The following QSER1 variants were observed in gnomAD, a reference collection of about 807,000 sequenced individuals.
QSER1 encodes the protein glutamine and serine rich 1.
A neutral mutation model predicts 158.5 loss-of-function variants in QSER1; 49 were observed. The observed-to-expected ratio is 0.31, with a 90% CI of 0.25 to 0.39. QSER1 has a LOEUF of 0.39. QSER1 is among the 10% of genes least tolerant of loss of function. The probability of loss-of-function intolerance (pLI) is 1.00; values close to 1 mark genes in which losing one functional copy is unlikely to be tolerated. For missense variants in QSER1, 1,754 were observed against 2,010.3 expected, an observed-to-expected ratio of 0.87 and a Z score of 2.44; for synonymous variants, 650 against 715.5, an observed-to-expected ratio of 0.91 and a Z score of 1.46.
rs1852994932 is a variant in QSER1 at position 32,977,299 on chromosome 11, TTA to T, written c.*829_*830del. On this transcript the variant is annotated 3_prime_UTR_variant, in exon 13 of 13. Coordinates refer to ENST00000650167, the MANE Select transcript of QSER1 (RefSeq NM_001076786.3). ...TTTTGTTATTTTCAGTAAATCTTAG[TTA>T]TATGTTGAATTTCTAATGTGAATTC... is the stretch of plus-strand genomic sequence containing the variant. 6.6e-6 allele frequency: 1 copy of T among 152,642 alleles called. No homozygotes were observed. The highest frequency in any genetic ancestry group is 2.1e-4 in the South Asian group (1 of 4,838). 9.5% of individuals were successfully genotyped at this position (152,642 alleles called of 1,614,324 possible).
At chr11:32,947,236 G>A (rs1278342318) in intron 4 of QSER1, among the ~76,000 whole-genome samples, 2 of 152,258 alleles carry the variant, frequency 1.3e-5, no homozygotes, top group Admixed American at 6.5e-5. Flanking sequence ...GTTCCTATTC[G>A]GCCATCTTGG....
At chr11:32,921,102 C>G (rs550445395) in intron 1 of QSER1, among the ~76,000 whole-genome samples, 1 of 152,220 alleles carries the variant, frequency 6.6e-6, no homozygotes, top group South Asian at 2.1e-4. Flanking sequence ...ACCCAAATGT[C>G]CATCAGCTGA....
intron 1 of QSER1, among the ~76,000 whole-genome samples, chr11:32,903,784 G>A (rs989162268): frequency 6.6e-5 from 10 of 152,132 alleles, no homozygotes; most frequent in East Asian, 3.9e-4. Context: ...GCTAATTTTT[G>A]TATTTTTAGT....
At chr11:32,926,581 CAT>C (rs1851974861) in intron 1 of QSER1, 1 of 152,078 alleles carries the variant, frequency 6.6e-6, no homozygotes, top group Admixed American at 6.6e-5. Flanking sequence ...AAAATAAAAA[CAT>C]AACCTTTCCT....
At chr11:32,899,334 G>A (rs1851596772) in intron 1 of QSER1, among the ~76,000 whole-genome samples, 1 of 152,096 alleles carries the variant, frequency 6.6e-6, no homozygotes, top group African/African-American at 2.4e-5. Flanking sequence ...CCTGTAGTTG[G>A]GACCAAGATG....
At chr11:32,940,109 C>T (rs1852208443) in intron 4 of QSER1, among the ~76,000 whole-genome samples, 1 of 152,130 alleles carries the variant, frequency 6.6e-6, no homozygotes, top group Non-Finnish European at 1.5e-5. Context: ...GTTCCTTTTG[C>T]CAACAAGACA....
chr11:32,902,725 G>T (rs1435292993), intron 1 of QSER1, among the ~76,000 whole-genome samples: 1 of 152,210 alleles, frequency 6.6e-6, no homozygotes, highest in Non-Finnish European at 1.5e-5. Flanking sequence ...GCTGAGAACT[G>T]AGCCTTTGCC....
intron 8 of QSER1, among the ~76,000 whole-genome samples, chr11:32,958,879 C>CT (rs1167527801): frequency 6.6e-6 from 1 of 152,062 alleles, no homozygotes; most frequent in Admixed American, 6.5e-5. Context: ...TCTTAGTTTT[C>CT]TTGTTTTATA....
chr11:32,928,689 T>G (rs1292240249), intron 3 of QSER1, among the ~76,000 whole-genome samples: 2 of 152,164 alleles, frequency 1.3e-5, no homozygotes, highest in African/African-American at 2.4e-5. Context: ...TATTTCTGTT[T>G]TTTGTAGTAT....
At chr11:32,947,179 T>A (rs1852349729) in intron 4 of QSER1, among the ~76,000 whole-genome samples, 1 of 152,194 alleles carries the variant, frequency 6.6e-6, no homozygotes, top group Non-Finnish European at 1.5e-5. Context: ...AATGCAGAAA[T>A]CACCCGTCTT....
chr11:32,944,839 T>TA (rs1852302301), intron 4 of QSER1, among the ~76,000 whole-genome samples: 1 of 144,162 alleles, frequency 6.9e-6, no homozygotes, highest in Admixed American at 7.0e-5. Context: ...AGTGGGGTGT[T>TA]AAATTCTCCC....
intron 4 of QSER1, 83 bp from the exon 5 acceptor site, chr11:32,953,774 T>G: frequency 6.8e-7 from 1 of 1,469,572 alleles, no homozygotes; most frequent in Non-Finnish European, 9.1e-7. Context: ...CAAGTCTTTC[T>G]TTTTAAACTG....
intron 3 of QSER1, among the ~76,000 whole-genome samples, chr11:32,930,152 C>T (rs576385323): frequency 7.2e-5 from 11 of 152,132 alleles, no homozygotes; most frequent in South Asian, 2.1e-4. Flanking sequence ...AACCCCCCAC[C>T]GCAACACACA....
At chr11:32,909,446 TTTTTTTTTTTG>T (rs1302990681) in intron 1 of QSER1, among the ~76,000 whole-genome samples, 1 of 152,108 alleles carries the variant, frequency 6.6e-6, no homozygotes, top group East Asian at 1.9e-4. Context: ...TAGATCATTT[TTTTTTTTTTTG>T]AGTCAGAGTT....
intron 8 of QSER1, among the ~76,000 whole-genome samples, chr11:32,965,944 A>AACAC (rs5790910): frequency 0.025 from 3,029 of 123,560 alleles, 124 homozygotes; most frequent in African/African-American, 0.066. Flanking sequence ...TCTGTCTCAA[A>AACAC]ACACACACAC....
chr11:32,928,233 C>A, intron 3 of QSER1, 110 bp downstream of exon 3: 1 of 663,438 alleles, frequency 1.5e-6, no homozygotes, highest in Non-Finnish European at 2.5e-6. Context: ...ATTGATTTTC[C>A]ACTGAACTTT....
intron 9 of QSER1, among the ~76,000 whole-genome samples, chr11:32,967,148 T>C (rs1286219913): frequency 6.6e-6 from 1 of 152,132 alleles, no homozygotes; most frequent in East Asian, 1.9e-4. Context: ...TATTCAGCCA[T>C]AAAAAAGAGC....
rs1852084684 is a variant in QSER1 at position 32,933,394 on chromosome 11, A to G, written c.2136A>G (p.Gln712=). 9 of 1,613,896 alleles carry G rather than the reference A, an allele frequency of 5.6e-6. No homozygotes were observed. Among genetic ancestry groups the G allele is most frequent in the Non-Finnish European group, 7.6e-6 (9 of 1,179,918 alleles). ...QPQASLESST[Q]RLSDGEINAQ... is the part of the protein sequence containing the mutation. ...AAGCATCTCTTGAGTCATCAACCCA[A>G]AGGCTATCTGATGGAGAAATTAATG... The change falls in exon 4 of 13, where the codon CAA becomes CAG. Residue 712 remains glutamine, a synonymous_variant. Coordinates refer to ENST00000650167, the MANE Select transcript of QSER1 (RefSeq NM_001076786.3).
intron 1 of QSER1, among the ~76,000 whole-genome samples, chr11:32,912,759 A>G (rs908457852): frequency 1.1e-4 from 16 of 152,080 alleles, no homozygotes; most frequent in African/African-American, 3.9e-4. Context: ...AAGATATTTA[A>G]AAAACTGGCC....
Sources: gnomAD v4.1 joint callset for allele counts (sites outside exome capture counted in the v4.1 genomes callset) on GRCh38, gnomAD v4.1.1 for gene constraint, MANE v1.5 for transcripts, NCBI Gene and HGNC (gene_info 2026-07-23, HGNC 2026-07-21) for gene names.